Variants in PLPP3 observed in about 807,000 individuals in gnomAD.
The protein encoded by PLPP3 is PAP2 beta.
Under a neutral mutation model 29.6 loss-of-function variants are expected in PLPP3, and 6 were observed. The observed-to-expected ratio is 0.20, with a 90% CI of 0.11 to 0.40. PLPP3 has a LOEUF of 0.40. Among genes scored for constraint, PLPP3 ranks in the 10% least tolerant of loss-of-function variants. The pLI, the probability that PLPP3 is intolerant of heterozygous loss-of-function variation, is 1.00. For synonymous variants in PLPP3, 152 were observed against 159.7 expected (o/e 0.95, Z 0.36); for missense variants, 308 against 407.7 (o/e 0.76, Z 2.11).
intron 4 of PLPP3, among the ~76,000 whole-genome samples, chr1:56,518,715 T>TTATATATATATATA (rs145573744): frequency 0.083 from 10,443 of 126,186 alleles, 837 homozygotes; most frequent in Non-Finnish European, 0.12. Flanking sequence ...TTTTAATCAT[T>TTATATATATATATA]TATATATATA....
intron 5 of PLPP3, among the ~76,000 whole-genome samples, chr1:56,498,022 C>T (rs1402146635): frequency 1.3e-5 from 2 of 151,734 alleles, no homozygotes; most frequent in Non-Finnish European, 2.9e-5. Flanking sequence ...CCTACCAAAA[C>T]ATATAATAAG....
intron 5 of PLPP3, among the ~76,000 whole-genome samples, chr1:56,498,964 T>C (rs965683925): frequency 6.6e-6 from 1 of 152,148 alleles, no homozygotes; most frequent in Non-Finnish European, 1.5e-5. Context: ...TATTCCAGCT[T>C]AGCAGCTAGA....
intron 5 of PLPP3, among the ~76,000 whole-genome samples, chr1:56,497,213 C>T (rs1366351538): frequency 6.6e-5 from 10 of 152,180 alleles, no homozygotes; most frequent in Admixed American, 6.5e-4. Flanking sequence ...ACCAGGTTCT[C>T]GTTGCTGAGA....
At chr1:56,516,451 C>T (rs1210350005) in intron 4 of PLPP3, among the ~76,000 whole-genome samples, 2 of 152,150 alleles carry the variant, frequency 1.3e-5, no homozygotes, top group Non-Finnish European at 2.9e-5. Flanking sequence ...ACACACTTTC[C>T]CAGATCAGAA....
rs1162561941 is a variant in PLPP3, at chr1:56,495,960, G to C, written c.*591C>G. The C allele has an allele frequency of 2.6e-5, 4 of 152,752 alleles. No individual in the cohort carries two copies. Among genetic ancestry groups the C allele is most frequent in the Non-Finnish European group, 5.9e-5 (4 of 68,146 alleles). 9.5% of individuals were successfully genotyped at this position (152,752 alleles called of 1,614,324 possible). A position where few individuals can be genotyped will look rare whatever the true frequency, so the allele number is the denominator to read the frequency against. On this transcript the variant is annotated 3_prime_UTR_variant, in exon 6 of 6. Transcript: ENST00000371250. Reference sequence around the variant, plus strand: ...ACTAATGTGAGGAACTATGGTTGTTGGCCTATGGGCAGGGGAGGTGATAAG... The same window carrying C: ...ACTAATGTGAGGAACTATGGTTGTTCGCCTATGGGCAGGGGAGGTGATAAG...
At chr1:56,528,545 A>G (rs994410379) in intron 2 of PLPP3, among the ~76,000 whole-genome samples, 1 of 152,126 alleles carries the variant, frequency 6.6e-6, no homozygotes, top group African/African-American at 2.4e-5. Flanking sequence ...GTCCTCATCT[A>G]TAAAATAAGG....
chr1:56,512,972 A>G (rs1412881889), intron 4 of PLPP3: 1 of 152,310 alleles, frequency 6.6e-6, no homozygotes, highest in Admixed American at 6.5e-5. Flanking sequence ...TAAATATGCA[A>G]TGATAAGAGG....
chr1:56,555,450 A>AAAAAAAAAAAAC (rs1646069548), intron 1 of PLPP3, among the ~76,000 whole-genome samples: 2 of 135,868 alleles, frequency 1.5e-5, no homozygotes, highest in East Asian at 2.4e-4. Flanking sequence ...AAAAAAAAAA[A>AAAAAAAAAAAAC]AAAAAAAAAA....
intron 1 of PLPP3, among the ~76,000 whole-genome samples, chr1:56,561,004 ATT>A (rs375933115): frequency 1.3e-4 from 17 of 133,190 alleles, no homozygotes; most frequent in Admixed American, 2.2e-4. Flanking sequence ...TGCCCGGGTA[ATT>A]TTTTTTTTTT....
chr1:56,543,512 C>T (rs536705223), intron 1 of PLPP3, among the ~76,000 whole-genome samples: 19 of 152,274 alleles, frequency 1.2e-4, no homozygotes, highest in Admixed American at 2.0e-4. Context: ...GAATGGTCAA[C>T]ACAACTATTA....
intron 2 of PLPP3, among the ~76,000 whole-genome samples, chr1:56,530,172 G>T (rs1294830890): frequency 6.8e-6 from 1 of 146,802 alleles, no homozygotes; most frequent in Non-Finnish European, 1.5e-5. Flanking sequence ...CCATGCTTTT[G>T]TTACTATTTC....
At chr1:56,535,672 C>T (rs943922209) in intron 2 of PLPP3, among the ~76,000 whole-genome samples, 2 of 152,150 alleles carry the variant, frequency 1.3e-5, no homozygotes, top group African/African-American at 4.8e-5. Flanking sequence ...AAGCAGCAAG[C>T]GAAGAGCTGC....
intron 5 of PLPP3, among the ~76,000 whole-genome samples, chr1:56,500,678 A>G (rs17114046): frequency 0.12 from 18,225 of 152,190 alleles, 1,256 homozygotes; most frequent in African/African-American, 0.2. Context: ...AGGTGAAAGC[A>G]GGGAAGCAAC....
intron 1 of PLPP3, among the ~76,000 whole-genome samples, chr1:56,560,809 T>C (rs906722320): frequency 1.3e-5 from 2 of 149,988 alleles, no homozygotes; most frequent in African/African-American, 4.9e-5. Flanking sequence ...CTTCAGGGGG[T>C]TTTCCTCTCC....
At chr1:56,508,502 C>T (rs935495779) in intron 5 of PLPP3, among the ~76,000 whole-genome samples, 1 of 152,176 alleles carries the variant, frequency 6.6e-6, no homozygotes, top group African/African-American at 2.4e-5. Context: ...GGCCTTTGTG[C>T]CATACATGCT....
chr1:56,575,591 G>T (rs1345996406), intron 1 of PLPP3, among the ~76,000 whole-genome samples: 1 of 152,212 alleles, frequency 6.6e-6, no homozygotes, highest in Non-Finnish European at 1.5e-5. Context: ...CCGAGCTTCA[G>T]AATTTTCTGA....
chr1:56,509,630 A>G (rs1451456902), intron 5 of PLPP3, among the ~76,000 whole-genome samples: 1 of 152,070 alleles, frequency 6.6e-6, no homozygotes, highest in East Asian at 1.9e-4. Context: ...ACCTGAGGTC[A>G]GGAGTTCAAG....
intron 1 of PLPP3, among the ~76,000 whole-genome samples, chr1:56,576,414 T>C (rs1646236090): frequency 6.6e-6 from 1 of 152,234 alleles, no homozygotes; most frequent in African/African-American, 2.4e-5. Flanking sequence ...TGTTGTGCTA[T>C]TAATTTTTCT....
intron 1 of PLPP3, among the ~76,000 whole-genome samples, chr1:56,548,057 C>T (rs992559118): frequency 8.5e-5 from 13 of 152,220 alleles, no homozygotes; most frequent in Admixed American, 8.5e-4. Flanking sequence ...ACTGGCTTGA[C>T]TGGTTTCCTC....
Sources: gnomAD v4.1 joint callset for allele counts (sites outside exome capture counted in the v4.1 genomes callset) on GRCh38, gnomAD v4.1.1 for gene constraint, MANE v1.5 for transcripts, NCBI Gene and HGNC (gene_info 2026-07-23, HGNC 2026-07-21) for gene names.